The following GPC6 variants were observed in gnomAD, a reference collection of about 807,000 sequenced individuals.
GPC6 encodes glypican 6.
A neutral mutation model predicts 55.2 loss-of-function variants in GPC6; 14 were observed. The ratio of observed to expected loss-of-function variants is 0.25; its 90% CI spans 0.17 to 0.40. The LOEUF (loss-of-function observed/expected upper bound fraction) is 0.40. Ranked by LOEUF, GPC6 falls within the 10% of genes least tolerant of loss-of-function variation. GPC6 has a pLI of 1.00. For missense variants in GPC6, 641 were observed against 708.5 expected (o/e 0.90, Z 1.08); for synonymous variants, 278 against 259.6 (o/e 1.07, Z -0.68).
chr13:93,812,034 G>T (rs554137742), intron 2 of GPC6, among the ~76,000 whole-genome samples: 13 of 151,800 alleles, frequency 8.6e-5, no homozygotes, highest in African/African-American at 3.1e-4. Context: ...ATTCAGTGAA[G>T]TGGTGTTATA....
chr13:93,227,754 C>T lies in GPC6; in HGVS notation c.160+138C>T. 2 of 672,412 alleles carry T rather than the reference C, an allele frequency of 3.0e-6. No homozygotes were observed. The highest frequency in any genetic ancestry group is 2.8e-5 in the East Asian group (1 of 35,676). The allele number at this position is 672,412 out of a possible 1,614,324, so 41.7% of individuals were successfully genotyped here. On this transcript the variant is annotated intron_variant, in intron 1 of 8. Coordinates refer to ENST00000377047, the MANE Select transcript of GPC6 (RefSeq NM_005708.5). The surrounding 1 kb of genome is among the most constrained non-coding windows in gnomAD (Gnocchi z 4.3). ...GCCACCGCTATGGGACTCCGCGTCT[C>T]CGTGTTGGGCGGCGGATGCTCCTGC...
chr13:94,402,918 G>T, intron 8 of GPC6, 97 bp from the exon 9 acceptor site: 1 of 913,588 alleles, frequency 1.1e-6, no homozygotes, highest in Middle Eastern at 2.5e-4. Context: ...GACAGGTGGG[G>T]ATTATGGGGA....
chr13:93,964,946 A>G (rs546993485), intron 3 of GPC6, among the ~76,000 whole-genome samples: 1 of 152,318 alleles, frequency 6.6e-6, no homozygotes, highest in East Asian at 1.9e-4. Context: ...CAAAGCCCTT[A>G]TCAAGAGAAG....
chr13:93,302,986 T>C (rs1194440892), intron 1 of GPC6, among the ~76,000 whole-genome samples: 2 of 152,080 alleles, frequency 1.3e-5, no homozygotes, highest in Admixed American at 1.3e-4. Context: ...AAACAGAACA[T>C]AAGCTAAACG....
At chr13:93,704,048 T>C (rs1882763704) in intron 2 of GPC6, among the ~76,000 whole-genome samples, 2 of 151,986 alleles carry the variant, frequency 1.3e-5, no homozygotes, top group South Asian at 4.1e-4. Flanking sequence ...GTTTTTGACA[T>C]AGTTTTTAAA....
intron 2 of GPC6, among the ~76,000 whole-genome samples, chr13:93,823,924 A>T (rs1420393367): frequency 1.3e-5 from 2 of 152,206 alleles, no homozygotes; most frequent in Non-Finnish European, 2.9e-5. Context: ...AGAGCAAAGG[A>T]AAGTGTGAAT....
At chr13:93,497,594 G>A (rs916641735) in intron 1 of GPC6, among the ~76,000 whole-genome samples, 3 of 152,216 alleles carry the variant, frequency 2.0e-5, no homozygotes, top group Non-Finnish European at 4.4e-5. Context: ...CACAGAAAAT[G>A]AAGGCTAAAA....
chr13:93,254,406 A>G (rs1876883648), intron 1 of GPC6, among the ~76,000 whole-genome samples: 4 of 152,220 alleles, frequency 2.6e-5, no homozygotes, highest in Non-Finnish European at 5.9e-5. Flanking sequence ...TACAAAATAT[A>G]AATATTTTTA....
At chr13:93,452,308 G>T (rs1190114271) in intron 1 of GPC6, among the ~76,000 whole-genome samples, 1 of 152,148 alleles carries the variant, frequency 6.6e-6, no homozygotes, top group Non-Finnish European at 1.5e-5. Context: ...GCAAGGCATT[G>T]TATATTCACT....
chr13:93,968,178 T>G (rs1354414433), intron 3 of GPC6, among the ~76,000 whole-genome samples: 5 of 152,144 alleles, frequency 3.3e-5, no homozygotes. Flanking sequence ...TTAGAAGAAA[T>G]GAAAGGATGT....
chr13:93,361,973 T>A (rs539484566), intron 1 of GPC6, among the ~76,000 whole-genome samples: 1 of 152,320 alleles, frequency 6.6e-6, no homozygotes, highest in East Asian at 1.9e-4. Flanking sequence ...GACTGGATGA[T>A]CATACAAAGA....
intron 3 of GPC6, among the ~76,000 whole-genome samples, chr13:93,968,554 G>A (rs1039530336): frequency 5.3e-5 from 8 of 152,114 alleles, no homozygotes; most frequent in African/African-American, 1.9e-4. Context: ...CTGTTCTGAA[G>A]AAGCACATGT....
rs904529896 is a variant in GPC6, at chr13:93,977,017, A to G, written c.712-50712A>G. Among the ~76,000 whole-genome samples the G allele has an allele frequency of 1.5e-4, 23 of 152,220 alleles. 1 individual carries two copies. Among genetic ancestry groups the G allele is most frequent in the African/African-American group, 5.1e-4 (21 of 41,544 alleles). ...ATATAGAGCATTCTGTTAAATTATA[A>G]TAAGTGATGACGGCTCCTAGCCTGC... On this transcript the variant is annotated intron_variant, in intron 3 of 8. Transcript: ENST00000377047.
intron 4 of GPC6, among the ~76,000 whole-genome samples, chr13:94,207,249 G>A (rs79482973): frequency 0.043 from 6,562 of 152,150 alleles, 390 homozygotes; most frequent in African/African-American, 0.13. Flanking sequence ...TGGCATTCAC[G>A]TCCATGTCTG....
At chr13:93,789,356 G>A (rs1320955520) in intron 2 of GPC6, among the ~76,000 whole-genome samples, 5 of 151,212 alleles carry the variant, frequency 3.3e-5, no homozygotes, top group Non-Finnish European at 5.9e-5. Context: ...CACTGTTAAG[G>A]TAGTAAAAGA....
chr13:93,365,352 A>G (rs1390553402), intron 1 of GPC6, among the ~76,000 whole-genome samples: 1 of 152,120 alleles, frequency 6.6e-6, no homozygotes, highest in Non-Finnish European at 1.5e-5. Context: ...TAGGTCCTGT[A>G]TAAGATTCTC....
intron 2 of GPC6, among the ~76,000 whole-genome samples, chr13:93,706,988 G>T: frequency 6.6e-6 from 1 of 151,784 alleles, no homozygotes; most frequent in South Asian, 2.1e-4. Flanking sequence ...CGTAGGTGTT[G>T]AGTGGTGAGG....
chr13:93,368,374 T>TTCCG (rs1341447059), intron 1 of GPC6, among the ~76,000 whole-genome samples: 208 of 118,372 alleles, frequency 1.8e-3, no homozygotes, highest in South Asian at 2.9e-3. Flanking sequence ...CCTTCCTTCC[T>TTCCG]TCCTTCCTTC....
In GPC6 at chr13:94,344,672, C is replaced by A. The variant is rs183381266; in HGVS notation, c.1153-37742C>A. Among the ~76,000 whole-genome samples the A allele has an allele frequency of 5.3e-5, 8 of 152,300 alleles. No individual in the cohort carries two copies. The East Asian group carries it at 1.5e-3, about 29-fold the overall frequency. On this transcript the variant is annotated intron_variant, in intron 6 of 8. Transcript: ENST00000377047. ...ATCCCTTCCCAGGAGTATCTCCAGC[C>A]CCCGCTAACACCGAGCATTTATTGT...
Sources: gnomAD v4.1 joint callset for allele counts (sites outside exome capture counted in the v4.1 genomes callset) on GRCh38, gnomAD v4.1.1 for gene constraint, Gnocchi (gnomAD v3.1) non-coding constraint, MANE v1.5 for transcripts, NCBI Gene and HGNC (gene_info 2026-07-23, HGNC 2026-07-21) for gene names.